The following SCRN1 variants were observed in gnomAD, a reference collection of about 807,000 sequenced individuals.
The protein encoded by SCRN1 is secernin 1, also known as secernin-1.
In SCRN1, 19 loss-of-function variants were observed where a neutral mutation model predicts 43.3. The observed-to-expected ratio is 0.44, with a 90% CI of 0.31 to 0.64. SCRN1 has a LOEUF of 0.64. Among genes scored for constraint, SCRN1 ranks in the 30% least tolerant of loss-of-function variants. The probability of loss-of-function intolerance (pLI) is 0.09; values close to 1 mark genes in which losing one functional copy is unlikely to be tolerated. For missense variants in SCRN1, 447 were observed against 524.1 expected, an observed-to-expected ratio of 0.85 and a Z score of 1.44; for synonymous variants, 183 against 188.9, an observed-to-expected ratio of 0.97 and a Z score of 0.26.
chr7:29,947,650 C>T (rs1355315054), intron 3 of SCRN1, among the ~76,000 whole-genome samples: 1 of 152,218 alleles, frequency 6.6e-6, no homozygotes, highest in East Asian at 1.9e-4. Flanking sequence ...AATTCCCTGC[C>T]TTCAGCCAGA....
chr7:29,973,680 T>C (rs1333961416), intron 1 of SCRN1, among the ~76,000 whole-genome samples: 1 of 151,984 alleles, frequency 6.6e-6, no homozygotes. Context: ...AGGTTGAAAA[T>C]TGCATACAGA....
chr7:29,964,771 G>A (rs1354466343), intron 2 of SCRN1, among the ~76,000 whole-genome samples: 1 of 151,834 alleles, frequency 6.6e-6, no homozygotes, highest in Non-Finnish European at 1.5e-5. Flanking sequence ...ATGAAACCCC[G>A]TTTCTACTAA....
chr7:29,936,216 A>G (rs1438573367), intron 6 of SCRN1, among the ~76,000 whole-genome samples: 2 of 152,216 alleles, frequency 1.3e-5, no homozygotes, highest in Non-Finnish European at 1.5e-5. Context: ...TGTATCCCTC[A>G]TGTACCACAC....
chr7:29,981,987 C>A (rs1263859066), intron 1 of SCRN1, among the ~76,000 whole-genome samples: 1 of 152,160 alleles, frequency 6.6e-6, no homozygotes, highest in East Asian at 1.9e-4. Context: ...CTAGTACAGG[C>A]TAGGCACAAA....
At chr7:29,951,321 C>T (rs1787912665) in intron 3 of SCRN1, among the ~76,000 whole-genome samples, 1 of 152,234 alleles carries the variant, frequency 6.6e-6, no homozygotes, top group Admixed American at 6.5e-5. Flanking sequence ...TGCTCACACA[C>T]CCCTTTCCTC....
chr7:29,977,607 A>G (rs1281791227), intron 1 of SCRN1, among the ~76,000 whole-genome samples: 1 of 152,240 alleles, frequency 6.6e-6, no homozygotes, highest in African/African-American at 2.4e-5. Flanking sequence ...AAAGCTCATG[A>G]GAGTAGAGCA....
chr7:29,969,674 T>A (rs1157553916), intron 1 of SCRN1: 4 of 390,584 alleles, frequency 1.0e-5, no homozygotes, highest in Non-Finnish European at 2.1e-5. Context: ...CCAGTGCACA[T>A]CCTCACTGCT....
chr7:29,985,672 C>T (rs1448988240), intron 1 of SCRN1, among the ~76,000 whole-genome samples: 1 of 152,182 alleles, frequency 6.6e-6, no homozygotes, highest in Non-Finnish European at 1.5e-5. Context: ...GTCCCACCAC[C>T]ATAGACCCTG....
At chr7:29,971,489 C>T (rs1389275828) in intron 1 of SCRN1, among the ~76,000 whole-genome samples, 2 of 151,842 alleles carry the variant, frequency 1.3e-5, no homozygotes, top group African/African-American at 4.8e-5. Flanking sequence ...AAAAACTAGC[C>T]GGGTGTGGTG....
At chr7:29,966,977 G>A (rs576776884) in intron 2 of SCRN1, among the ~76,000 whole-genome samples, 4 of 151,546 alleles carry the variant, frequency 2.6e-5, no homozygotes, top group African/African-American at 4.8e-5. Flanking sequence ...TGTAATGGAA[G>A]AATTTAAGAA....
rs908870412 is a variant in SCRN1 at position 29,921,252 on chromosome 7, C to G, written c.*2705G>C. ...CTACTTATACACTATGACCCTTAAA[C>G]ATAATTTTTGTATTTCATCTTGAAT... On this transcript the variant is annotated 3_prime_UTR_variant, in exon 8 of 8. Transcript: ENST00000242059. The G allele has an allele frequency of 6.5e-6, 1 of 152,758 alleles. No individual in the cohort carries two copies. Among genetic ancestry groups the G allele is most frequent in the Admixed American group, 6.5e-5 (1 of 15,300 alleles). The allele number at this position is 152,758 out of a possible 1,614,324, so 9.5% of individuals were successfully genotyped here. A position where few individuals can be genotyped will look rare whatever the true frequency, so the allele number is the denominator to read the frequency against.
rs144173926 is a variant in SCRN1 at position 29,925,913 on chromosome 7, C to T, written c.1086+539G>A. ...AATATTTTCTAAAACTATGTTTGTA[C>T]TATGGTAAAACATATGTATTATAAC... On this transcript the variant is annotated intron_variant, in intron 7 of 7. Coordinates refer to ENST00000242059, the MANE Select transcript of SCRN1 (RefSeq NM_014766.5). Among the ~76,000 whole-genome samples the T allele has an allele frequency of 3.1e-3, 459 of 148,496 alleles. 1 individual carries two copies. Among genetic ancestry groups the T allele is most frequent in the African/African-American group, 0.011 (444 of 40,468 alleles).
intron 2 of SCRN1, among the ~76,000 whole-genome samples, chr7:29,959,783 T>A (rs1433970874): frequency 6.6e-6 from 1 of 151,936 alleles, no homozygotes; most frequent in African/African-American, 2.4e-5. Flanking sequence ...AGGTCTGAGA[T>A]CAGAAATGCA....
intron 2 of SCRN1, 52 bp from the exon 3 acceptor site, chr7:29,955,412 C>G: frequency 1.3e-6 from 2 of 1,547,052 alleles, no homozygotes; most frequent in Non-Finnish European, 1.8e-6. Context: ...GGTACCACCT[C>G]ATTTCTGCCT....
chr7:29,971,286 A>G (rs1031374001), intron 1 of SCRN1, among the ~76,000 whole-genome samples: 30 of 152,214 alleles, frequency 2.0e-4, no homozygotes, highest in Non-Finnish European at 2.6e-4. Flanking sequence ...ATCAAATAAA[A>G]TGATCCTTGA....
At chr7:29,930,981 G>A (rs3793249) in intron 6 of SCRN1, among the ~76,000 whole-genome samples, 3,544 of 152,234 alleles carry the variant, frequency 0.023, 57 homozygotes, top group East Asian at 0.067. Flanking sequence ...TCCAAGGGCT[G>A]AGACACACAG....
At chr7:29,989,107 G>A (rs1409178214) in intron 1 of SCRN1, 6 of 152,274 alleles carry the variant, frequency 3.9e-5, no homozygotes, top group Admixed American at 2.6e-4. Flanking sequence ...CTAGCGGGGA[G>A]GGCTGCTCCG....
intron 1 of SCRN1, among the ~76,000 whole-genome samples, chr7:29,983,174 A>C (rs1789046516): frequency 1.3e-5 from 2 of 151,194 alleles, no homozygotes; most frequent in Non-Finnish European, 2.9e-5. Flanking sequence ...CTTTTTTTTT[A>C]AGTTCATCAT....
At position 29,924,073 on chromosome 7, in the gene SCRN1, T is replaced by C. The variant is rs530184865; in HGVS notation, c.1129A>G (p.Lys377Glu). The C allele has an allele frequency of 1.2e-6, 2 of 1,614,030 alleles. No individual in the cohort carries two copies. Among genetic ancestry groups the C allele is most frequent in the African/African-American group, 2.7e-5 (2 of 75,016 alleles). The change falls in exon 8 of 8, where the codon AAG (lysine) becomes GAG (glutamate). Residue 377 changes from lysine to glutamate, a missense_variant. By Grantham distance (56) the Lys-to-Glu change is moderately conservative. Transcript: ENST00000242059. ...KLRSTMLELE[K>E]QGLEAMEEIL... ...TCTTCCATGGCTTCCAGGCCTTGCT[T>C]CTCCAGCTCCAGCATGGTGCTCCTC...
Sources: gnomAD v4.1 joint callset for allele counts (sites outside exome capture counted in the v4.1 genomes callset) on GRCh38, gnomAD v4.1.1 for gene constraint, MANE v1.5 for transcripts, NCBI Gene and HGNC (gene_info 2026-07-23, HGNC 2026-07-21) for gene names.